The following RAB4B variants were observed in gnomAD, a reference collection of about 807,000 sequenced individuals.
The protein encoded by RAB4B is RAB4B, member RAS oncogene family.
A neutral mutation model predicts 28.3 loss-of-function variants in RAB4B; 15 were observed. The ratio of observed to expected loss-of-function variants is 0.53; its 90% confidence interval spans 0.35 to 0.82. The LOEUF is 0.82. RAB4B is among the 40% of genes least tolerant of loss of function. The probability of loss-of-function intolerance (pLI) is 0.01; values close to 1 mark genes in which losing one functional copy is unlikely to be tolerated. For missense variants in RAB4B, 244 were observed against 288.5 expected (o/e 0.85, Z 1.12); for synonymous variants, 108 against 116.3 (o/e 0.93, Z 0.46).
chr19:40,788,817 T>G (rs2083129050), intron 7 of RAB4B, among the ~76,000 whole-genome samples: 1 of 128,934 alleles, frequency 7.8e-6, no homozygotes, highest in Non-Finnish European at 1.6e-5. Context: ...TGAGATGGAG[T>G]CTTGCTCTGT....
At chr19:40,779,856 A>T in intron 1 of RAB4B, 163 bp from the exon 2 acceptor site, 1 of 1,482,916 alleles carries the variant, frequency 6.7e-7, no homozygotes, top group Non-Finnish European at 9.0e-7. Context: ...AGTACTACAT[A>T]AGAGTTATCT....
At chr19:40,789,507 T>TC (rs1314572779) in intron 7 of RAB4B, among the ~76,000 whole-genome samples, 3 of 76,660 alleles carry the variant, frequency 3.9e-5, no homozygotes, top group African/African-American at 9.2e-5. Context: ...CAGCCTTTTT[T>TC]TTTTTTTTTT....
At chr19:40,784,454 T>C (rs1407408776) in intron 5 of RAB4B, among the ~76,000 whole-genome samples, 2 of 152,104 alleles carry the variant, frequency 1.3e-5, no homozygotes, top group Non-Finnish European at 2.9e-5. Context: ...GATCACGCCA[T>C]TGTACTCCAG....
chr19:40,781,264 G>T (rs552663522), intron 3 of RAB4B, among the ~76,000 whole-genome samples: 2 of 150,838 alleles, frequency 1.3e-5, no homozygotes, highest in South Asian at 4.2e-4. Flanking sequence ...CCCAGCCGGG[G>T]TGACAGAGCG....
In RAB4B at chr19:40,793,458, C is replaced by T. The variant is rs189746239; in HGVS notation, c.*16-3112C>T. On this transcript the variant is annotated intron_variant, in intron 7 of 7. Coordinates refer to ENST00000357052, the MANE Select transcript of RAB4B (RefSeq NM_016154.5). ...GTTTCACCATGTTGCTCAGGCTGGTCTCGAACTCCTGAGCTCAAGTGATCC... is the reference window on the plus strand; with the variant it reads ...GTTTCACCATGTTGCTCAGGCTGGTTTCGAACTCCTGAGCTCAAGTGATCC... 9.6e-4 allele frequency among the ~76,000 whole-genome samples: 145 copies of T among 151,478 alleles called. 2 individuals are homozygous for T. The highest frequency in any genetic ancestry group is 3.4e-3 in the African/African-American group (141 of 41,302).
Position 40,780,170 on chromosome 19 carries a change from C to T in RAB4B, c.97+71C>T, listed in dbSNP as rs2287690. 3.4e-5 allele frequency: 54 copies of T among 1,588,550 alleles called. No individual in the cohort carries two copies. In the East Asian group the frequency reaches 6.9e-4, roughly 20 times the overall value. ...CGCATGGTGTGGGCTGGTGGGCAGC[C>T]GGTGGGGAGGGCAGGGCTGGCCATA... On this transcript the variant is annotated intron_variant, in intron 2 of 7. Coordinates refer to ENST00000357052, the MANE Select transcript of RAB4B (RefSeq NM_016154.5).
chr19:40,778,316 G>C lies in RAB4B; in HGVS notation c.-60G>C. Reference sequence around the variant, plus strand: ...TGTAGCCGGAGTGGAGCGGCTGCCAGCCGAGGAGCAGGCGCGGCCGCGGCG... The same window carrying C: ...TGTAGCCGGAGTGGAGCGGCTGCCACCCGAGGAGCAGGCGCGGCCGCGGCG... On this transcript the variant is annotated 5_prime_UTR_variant, in exon 1 of 8. Transcript: ENST00000357052. 1 of 1,477,554 alleles carries C rather than the reference G, an allele frequency of 6.8e-7. No individual in the cohort carries two copies. The highest frequency in any genetic ancestry group is 9.0e-7 in the Non-Finnish European group (1 of 1,116,272). 91.5% of individuals were successfully genotyped at this position (1,477,554 alleles called of 1,614,324 possible). A position where few individuals can be genotyped will look rare whatever the true frequency, so the allele number is the denominator to read the frequency against.
At chr19:40,792,945 T>C (rs2083172511) in intron 7 of RAB4B, among the ~76,000 whole-genome samples, 1 of 152,036 alleles carries the variant, frequency 6.6e-6, no homozygotes, top group Non-Finnish European at 1.5e-5. Flanking sequence ...CACACCCGGC[T>C]AATTTTCGTA....
intron 7 of RAB4B, among the ~76,000 whole-genome samples, chr19:40,788,676 T>A (rs2083126524): frequency 6.7e-6 from 1 of 150,232 alleles, no homozygotes; most frequent in African/African-American, 2.4e-5. Flanking sequence ...AACCTCCGCC[T>A]CCTGGGTTCA....
chr19:40,790,664 CTTTTT>C (rs34206561), intron 7 of RAB4B, among the ~76,000 whole-genome samples: 3 of 111,512 alleles, frequency 2.7e-5, no homozygotes, highest in East Asian at 2.7e-4. Flanking sequence ...TGAGCCTTTC[CTTTTT>C]TTTTTTTTTT....
chr19:40,782,957 G>T (rs1240211988), intron 3 of RAB4B, among the ~76,000 whole-genome samples: 1 of 152,006 alleles, frequency 6.6e-6, no homozygotes, highest in African/African-American at 2.4e-5. Context: ...TGGCCAACAT[G>T]GCCAACCCCA....
At chr19:40,787,619 G>GC (rs1219925689) in intron 7 of RAB4B, among the ~76,000 whole-genome samples, 2 of 150,920 alleles carry the variant, frequency 1.3e-5, no homozygotes, top group Admixed American at 6.6e-5. Context: ...AGAGGCCCAG[G>GC]GGGGTCAGGG....
In RAB4B at chr19:40,789,796, G is replaced by A. The variant is rs116760475; in HGVS notation, c.*15+2818G>A. Among the ~76,000 whole-genome samples, 306 of 152,326 alleles carry A rather than the reference G, an allele frequency of 2.0e-3. 1 individual carries two copies. The highest frequency in any genetic ancestry group is 7.0e-3 in the African/African-American group (291 of 41,576). On this transcript the variant is annotated intron_variant, in intron 7 of 7. Transcript: ENST00000357052. The stretch of plus-strand genomic sequence containing the variant: ...TTACAGGCGTCAGCCACCGCACCTG[G>A]CCAAGAGTGTACATTTAAACAAGAT...
intron 1 of RAB4B, 87 bp from the exon 2 acceptor site, chr19:40,779,930 TAG>T: frequency 6.2e-6 from 10 of 1,606,792 alleles, no homozygotes; most frequent in Non-Finnish European, 8.5e-6. Context: ...CTGTGATGGT[TAG>T]AGAGAGAGAT....
intron 7 of RAB4B, among the ~76,000 whole-genome samples, chr19:40,787,251 C>T (rs2083109032): frequency 6.6e-6 from 1 of 151,778 alleles, no homozygotes; most frequent in Non-Finnish European, 1.5e-5. Context: ...AGGTCAGGGC[C>T]AGGCCTGGCT....
At chr19:40,788,784 C>CTTTTTTTTTTTTTT (rs1173685187) in intron 7 of RAB4B, among the ~76,000 whole-genome samples, 2 of 84,232 alleles carry the variant, frequency 2.4e-5, no homozygotes, top group Non-Finnish European at 4.6e-5. Flanking sequence ...GACAGGGTTT[C>CTTTTTTTTTTTTTT]TTTTTTTTTT....
At chr19:40,782,639 C>A (rs1174503771) in intron 3 of RAB4B, among the ~76,000 whole-genome samples, 1 of 151,242 alleles carries the variant, frequency 6.6e-6, no homozygotes, top group African/African-American at 2.4e-5. Flanking sequence ...ATGGCGAAAC[C>A]CCATCTCTAC....
intron 5 of RAB4B, among the ~76,000 whole-genome samples, chr19:40,785,184 A>G (rs773489748): frequency 2.0e-5 from 3 of 151,806 alleles, no homozygotes; most frequent in Non-Finnish European, 4.4e-5. Context: ...TGTTAAGGGG[A>G]GTGCAGCATA....
rs531370594 is a variant in RAB4B, at chr19:40,784,693, G to A, written c.430+618G>A. On this transcript the variant is annotated intron_variant, in intron 5 of 7. Transcript: ENST00000357052. The stretch of plus-strand genomic sequence containing the variant: ...AGTGGGTGCTAGATTAATGTTGGCC[G>A]CTAAGGTTTCGCCTACCGTCAGGAG... 2.6e-5 allele frequency among the ~76,000 whole-genome samples: 4 copies of A among 152,250 alleles called. No individual in the cohort carries two copies. The East Asian group carries it at 7.7e-4, about 29-fold the overall frequency.
Sources: gnomAD v4.1 joint callset for allele counts (sites outside exome capture counted in the v4.1 genomes callset) on GRCh38, gnomAD v4.1.1 for gene constraint, MANE v1.5 for transcripts, NCBI Gene and HGNC (gene_info 2026-07-23, HGNC 2026-07-21) for gene names.